Variants in PRKG1 observed in about 807,000 individuals in gnomAD.
PRKG1 encodes protein kinase cGMP-dependent 1.
Under a neutral mutation model 88.1 loss-of-function variants are expected in PRKG1, and 35 were observed. That is an observed-to-expected ratio of 0.40 (90% CI 0.30 to 0.53). The LOEUF is 0.53. PRKG1 is among the 20% of genes least tolerant of loss of function. The pLI, the probability that PRKG1 is intolerant of heterozygous loss-of-function variation, is 0.59. For missense variants in PRKG1, 540 were observed against 839.8 expected, an observed-to-expected ratio of 0.64 and a Z score of 4.41; for synonymous variants, 303 against 292.5, an observed-to-expected ratio of 1.04 and a Z score of -0.37.
chr10:52,252,470 T>A (rs1431377004), intron 10 of PRKG1: 3 of 152,132 alleles, frequency 2.0e-5, no homozygotes, highest in African/African-American at 4.8e-5. Flanking sequence ...TTTCCACCTC[T>A]CTGCTGAACA....
chr10:51,728,447 T>C (rs1267867847), intron 3 of PRKG1, among the ~76,000 whole-genome samples: 2 of 98,368 alleles, frequency 2.0e-5, no homozygotes, highest in African/African-American at 8.4e-5. Flanking sequence ...ATTCCATTTT[T>C]TCTTTGTTTT....
At chr10:52,003,170 T>C (rs957059180) in intron 5 of PRKG1, among the ~76,000 whole-genome samples, 1 of 152,220 alleles carries the variant, frequency 6.6e-6, no homozygotes, top group African/African-American at 2.4e-5. Flanking sequence ...ACAGTGCTAC[T>C]TTTAAGAGAT....
chr10:51,743,002 C>T (rs2132493811), intron 3 of PRKG1, among the ~76,000 whole-genome samples: 1 of 152,038 alleles, frequency 6.6e-6, no homozygotes, highest in African/African-American at 2.4e-5. Flanking sequence ...ACCTATGTAA[C>T]AAACCTGCAC....
chr10:51,197,992 G>A (rs1215749163), intron 2 of PRKG1, among the ~76,000 whole-genome samples: 1 of 151,934 alleles, frequency 6.6e-6, no homozygotes, highest in Non-Finnish European at 1.5e-5. Context: ...AATCTGTGGT[G>A]AAAGAGAAGA....
chr10:51,095,245 C>T (rs533791323), intron 1 of PRKG1, among the ~76,000 whole-genome samples: 4 of 152,076 alleles, frequency 2.6e-5, no homozygotes, highest in Non-Finnish European at 5.9e-5. Context: ...TTTCGGGATG[C>T]TTCTAAATTA....
chr10:51,020,676 T>C (rs1843123971), intron 1 of PRKG1, among the ~76,000 whole-genome samples: 1 of 152,196 alleles, frequency 6.6e-6, no homozygotes, highest in African/African-American at 2.4e-5. Flanking sequence ...ATAGATTCTG[T>C]AAATTAGAAG....
intron 2 of PRKG1, among the ~76,000 whole-genome samples, chr10:51,194,602 A>G (rs1034492998): frequency 1.3e-5 from 2 of 152,144 alleles, no homozygotes; most frequent in Non-Finnish European, 1.5e-5. Flanking sequence ...TCTAGGTTAC[A>G]TTGAATGAAA....
chr10:51,023,390 T>C (rs892952805), intron 1 of PRKG1, among the ~76,000 whole-genome samples: 4 of 152,200 alleles, frequency 2.6e-5, no homozygotes, highest in Non-Finnish European at 5.9e-5. Context: ...TGTAAGAGCA[T>C]TGGGAAAGTC....
intron 8 of PRKG1, among the ~76,000 whole-genome samples, chr10:52,150,297 A>G (rs1837876905): frequency 6.6e-6 from 1 of 152,128 alleles, no homozygotes; most frequent in African/African-American, 2.4e-5. Flanking sequence ...TGGGGAGATA[A>G]ATATGGTGCC....
intron 1 of PRKG1, among the ~76,000 whole-genome samples, chr10:51,108,509 C>G (rs1455513241): frequency 6.6e-6 from 1 of 151,938 alleles, no homozygotes; most frequent in Non-Finnish European, 1.5e-5. Flanking sequence ...AAAACAAAAA[C>G]AAAAACAAAT....
intron 10 of PRKG1, among the ~76,000 whole-genome samples, chr10:52,269,981 A>G (rs905823022): frequency 6.6e-6 from 1 of 152,126 alleles, no homozygotes; most frequent in East Asian, 1.9e-4. Flanking sequence ...ATTAGAGAGT[A>G]AAGTTTGAGG....
At chr10:52,256,039 T>C (rs1841300129) in intron 10 of PRKG1, among the ~76,000 whole-genome samples, 1 of 142,216 alleles carries the variant, frequency 7.0e-6, no homozygotes, top group South Asian at 2.2e-4. Flanking sequence ...GGCCACTTAG[T>C]CATTGAAAGA....
At chr10:51,263,576 G>A (rs1348673029) in intron 2 of PRKG1, among the ~76,000 whole-genome samples, 1 of 151,948 alleles carries the variant, frequency 6.6e-6, no homozygotes, top group African/African-American at 2.4e-5. Context: ...CAAAAACAAG[G>A]AGGAATAAAA....
At chr10:51,263,130 C>T (rs529305258) in intron 2 of PRKG1, among the ~76,000 whole-genome samples, 1 of 152,278 alleles carries the variant, frequency 6.6e-6, no homozygotes, top group African/African-American at 2.4e-5. Context: ...AGGATTGGGG[C>T]TTCCATTGAT....
chr10:51,572,626 A>G (rs1837785480), intron 3 of PRKG1, among the ~76,000 whole-genome samples: 1 of 151,822 alleles, frequency 6.6e-6, no homozygotes, highest in African/African-American at 2.4e-5. Flanking sequence ...AGAAATTCCA[A>G]TTCCAGGGGC....
At chr10:52,099,135 T>C (rs1465979600) in intron 7 of PRKG1, among the ~76,000 whole-genome samples, 1 of 152,214 alleles carries the variant, frequency 6.6e-6, no homozygotes, top group Non-Finnish European at 1.5e-5. Context: ...CAGATAATTA[T>C]GGAATCCCGC....
At chr10:51,900,766 AT>A (rs952090301) in intron 4 of PRKG1, among the ~76,000 whole-genome samples, 4 of 151,938 alleles carry the variant, frequency 2.6e-5, no homozygotes, top group East Asian at 1.9e-4. Flanking sequence ...CAAAACCCAT[AT>A]TTTTTTTAAA....
chr10:51,243,224 G>A (rs1018128509), intron 2 of PRKG1, among the ~76,000 whole-genome samples: 3 of 152,120 alleles, frequency 2.0e-5, no homozygotes, highest in Non-Finnish European at 4.4e-5. Flanking sequence ...ACAGACAGCT[G>A]ACTTAAGCAG....
chr10:51,192,624 G>GA (rs1195211483), intron 2 of PRKG1, among the ~76,000 whole-genome samples: 10 of 151,808 alleles, frequency 6.6e-5, no homozygotes, highest in Admixed American at 3.9e-4. Context: ...TGCAATAAAA[G>GA]AAAAAAACCA....
Sources: gnomAD v4.1 joint callset for allele counts (sites outside exome capture counted in the v4.1 genomes callset) on GRCh38, gnomAD v4.1.1 for gene constraint, MANE v1.5 for transcripts, NCBI Gene and HGNC (gene_info 2026-07-23, HGNC 2026-07-21) for gene names.